Variants in OSBPL9 observed in about 807,000 individuals in gnomAD.
OSBPL9 encodes oxysterol binding protein like 9.
In OSBPL9, 40 loss-of-function variants were observed where a neutral mutation model predicts 106.6. The observed-to-expected ratio is 0.38, with a 90% CI of 0.29 to 0.49. The LOEUF (loss-of-function observed/expected upper bound fraction) is 0.49. OSBPL9 is among the 20% of genes least tolerant of loss of function. The probability of loss-of-function intolerance (pLI) is 0.97; values close to 1 mark genes in which losing one functional copy is unlikely to be tolerated. For synonymous variants in OSBPL9, 269 were observed against 295.4 expected, an observed-to-expected ratio of 0.91 and a Z score of 0.92; for missense variants, 609 against 887.2, an observed-to-expected ratio of 0.69 and a Z score of 3.98.
the OSBPL9 span, among the ~76,000 whole-genome samples, chr1:51,552,541 C>T: frequency 6.6e-6 from 1 of 152,144 alleles, no homozygotes; most frequent in Non-Finnish European, 1.5e-5. Context: ...CTTCACAAAA[C>T]AATTTTAGAT....
At chr1:51,604,159 T>G (rs1643917335) in intron 2 of OSBPL9, among the ~76,000 whole-genome samples, 1 of 152,210 alleles carries the variant, frequency 6.6e-6, no homozygotes, top group Non-Finnish European at 1.5e-5. Context: ...CTTCAGTGTC[T>G]AGAAGTGAAT....
chr1:51,565,997 A>G, the OSBPL9 span: 1 of 152,356 alleles, frequency 6.6e-6, no homozygotes, highest in South Asian at 2.1e-4. Context: ...AGTATACTCC[A>G]CACATTCCCC....
At chr1:51,778,278 G>C (rs183750696) in intron 15 of OSBPL9, among the ~76,000 whole-genome samples, 4 of 152,136 alleles carry the variant, frequency 2.6e-5, no homozygotes, top group African/African-American at 9.7e-5. Context: ...AACAAAGGGG[G>C]CATGTAGAAA....
intron 1 of OSBPL9, among the ~76,000 whole-genome samples, chr1:51,625,480 A>G (rs1644712975): frequency 6.6e-6 from 1 of 151,916 alleles, no homozygotes; most frequent in Admixed American, 6.6e-5. Context: ...ACCCCAATCA[A>G]TTGTTTCCTT....
At chr1:51,747,714 T>A (rs2149010683) in intron 6 of OSBPL9, among the ~76,000 whole-genome samples, 1 of 152,252 alleles carries the variant, frequency 6.6e-6, no homozygotes, top group South Asian at 2.1e-4. Flanking sequence ...GAAAGATAAA[T>A]GTGATTTTAA....
chr1:51,669,533 C>A, intron 3 of OSBPL9, 21 bp downstream of exon 3: 1 of 1,606,746 alleles, frequency 6.2e-7, no homozygotes, highest in Non-Finnish European at 8.5e-7. Context: ...AGAAGAGATT[C>A]TTTCTCTTCA....
At chr1:51,524,704 T>A in the OSBPL9 span, among the ~76,000 whole-genome samples, 1 of 152,146 alleles carries the variant, frequency 6.6e-6, no homozygotes, top group African/African-American at 2.4e-5. Context: ...TACTATACAG[T>A]AAGAGAGATT....
chr1:51,648,019 T>G (rs923780351), intron 1 of OSBPL9, among the ~76,000 whole-genome samples: 4 of 152,106 alleles, frequency 2.6e-5, no homozygotes, highest in African/African-American at 9.7e-5. Context: ...CATTTCAGAG[T>G]GGTCCTTTTT....
chr1:51,674,211 G>A (rs947140370), intron 3 of OSBPL9, among the ~76,000 whole-genome samples: 2 of 151,384 alleles, frequency 1.3e-5, no homozygotes, highest in African/African-American at 2.4e-5. Context: ...AAAAAAATTA[G>A]CCTGCACCAC....
At chr1:51,679,335 GT>G (rs1372922931) in intron 3 of OSBPL9, among the ~76,000 whole-genome samples, 1 of 152,146 alleles carries the variant, frequency 6.6e-6, no homozygotes, top group African/African-American at 2.4e-5. Context: ...CCAACATCCT[GT>G]TTTCCATAAT....
At chr1:51,680,418 C>T (rs1171711960) in intron 3 of OSBPL9, among the ~76,000 whole-genome samples, 3 of 151,848 alleles carry the variant, frequency 2.0e-5, no homozygotes. Context: ...CTTTGCAAGG[C>T]CAAGGCGGGG....
At chr1:51,682,971 G>A (rs1652911028) in intron 3 of OSBPL9, among the ~76,000 whole-genome samples, 1 of 151,472 alleles carries the variant, frequency 6.6e-6, no homozygotes, top group South Asian at 2.1e-4. Context: ...CCGCCTCCCA[G>A]GTTCAAGCAA....
At chr1:51,663,458 G>A (rs1364930363) in intron 2 of OSBPL9, among the ~76,000 whole-genome samples, 1 of 152,092 alleles carries the variant, frequency 6.6e-6, no homozygotes, top group Non-Finnish European at 1.5e-5. Flanking sequence ...GGGATGGCTG[G>A]CTATGACTAT....
chr1:51,668,058 C>T (rs953037645), intron 2 of OSBPL9, among the ~76,000 whole-genome samples: 3 of 151,980 alleles, frequency 2.0e-5, no homozygotes, highest in African/African-American at 7.3e-5. Context: ...AGGAGTAGTC[C>T]CCCTATGTAG....
At chr1:51,689,823 A>G (rs967680963) in intron 3 of OSBPL9, among the ~76,000 whole-genome samples, 4 of 152,196 alleles carry the variant, frequency 2.6e-5, no homozygotes, top group Non-Finnish European at 4.4e-5. Flanking sequence ...CCCTAAGTCT[A>G]CATTCCCTAC....
chr1:51,638,191 C>G (rs1645573025), intron 1 of OSBPL9, among the ~76,000 whole-genome samples: 1 of 151,960 alleles, frequency 6.6e-6, no homozygotes, highest in African/African-American at 2.4e-5. Context: ...ATCTGATGCT[C>G]AAAATGAGAC....
At chr1:51,528,413 C>T in the OSBPL9 span, among the ~76,000 whole-genome samples, 14 of 151,454 alleles carry the variant, frequency 9.2e-5, no homozygotes, top group Non-Finnish European at 1.9e-4. Context: ...TATGGTGGCT[C>T]ATGCCTGTAA....
the OSBPL9 span, among the ~76,000 whole-genome samples, chr1:51,533,893 G>T: frequency 1.4e-5 from 2 of 147,478 alleles, no homozygotes. Context: ...GAGGTTAGGG[G>T]TTAGAGGTTA....
At chr1:51,635,793 A>AT (rs1367493728) in intron 1 of OSBPL9, among the ~76,000 whole-genome samples, 1 of 152,100 alleles carries the variant, frequency 6.6e-6, no homozygotes, top group African/African-American at 2.4e-5. Context: ...CGACAATGTT[A>AT]TAGGCCACTA....
Sources: gnomAD v4.1 joint callset for allele counts (sites outside exome capture counted in the v4.1 genomes callset) on GRCh38, gnomAD v4.1.1 for gene constraint, MANE v1.5 for transcripts, NCBI Gene and HGNC (gene_info 2026-07-23, HGNC 2026-07-21) for gene names.